The following NCALD variants were observed in gnomAD, a reference collection of about 807,000 sequenced individuals.
NCALD encodes the protein neurocalcin-delta.
Under a neutral mutation model 18.6 loss-of-function variants are expected in NCALD, and 10 were observed. The ratio of observed to expected loss-of-function variants is 0.54; its 90% CI spans 0.33 to 0.91. The LOEUF is 0.91. Among genes scored for constraint, NCALD ranks in the 40% least tolerant of loss-of-function variants. The pLI is 0.03. For missense variants in NCALD, 184 were observed against 247.6 expected, an observed-to-expected ratio of 0.74 and a Z score of 1.72; for synonymous variants, 88 against 87.4, an observed-to-expected ratio of 1.01 and a Z score of -0.04.
At chr8:102,094,054 T>C (rs1825013311) in intron 1 of NCALD, among the ~76,000 whole-genome samples, 1 of 152,172 alleles carries the variant, frequency 6.6e-6, no homozygotes, top group Non-Finnish European at 1.5e-5. Flanking sequence ...GTGATGGACA[T>C]TTCACCACCC....
chr8:101,820,767 G>A (rs757698148), intron 4 of NCALD, among the ~76,000 whole-genome samples: 36 of 152,168 alleles, frequency 2.4e-4, no homozygotes, highest in Non-Finnish European at 4.4e-4. Context: ...CAAATGCCAG[G>A]ATATGCTGTC....
At chr8:101,999,744 A>G (rs144025393) in intron 2 of NCALD, among the ~76,000 whole-genome samples, 3 of 152,308 alleles carry the variant, frequency 2.0e-5, no homozygotes, top group African/African-American at 7.2e-5. Flanking sequence ...ATTATTCTCT[A>G]AAAATAAAAT....
chr8:101,727,384 T>TC (rs1334649728), intron 1 of NCALD, among the ~76,000 whole-genome samples: 1 of 152,240 alleles, frequency 6.6e-6, no homozygotes, highest in African/African-American at 2.4e-5. Context: ...ATCTTACTTT[T>TC]CACTCATCTT....
intron 2 of NCALD, among the ~76,000 whole-genome samples, chr8:101,946,853 T>C (rs1467551590): frequency 6.7e-6 from 1 of 148,678 alleles, no homozygotes; most frequent in Non-Finnish European, 1.5e-5. Context: ...TGTGCCCTAA[T>C]TGAAGAGGAC....
Position 102,054,120 on chromosome 8 carries a change from C to T in NCALD, c.-209-33831G>A, listed in dbSNP as rs576891540. On this transcript the variant is annotated intron_variant, in intron 1 of 6. Transcript: ENST00000311028. The stretch of plus-strand genomic sequence containing the variant: ...AGCAGAGTCAAATCTTTCTTTCAGT[C>T]ATTCACTCACACGTTCAGTCAGAAA... 7.4e-4 allele frequency among the ~76,000 whole-genome samples: 113 copies of T among 152,294 alleles called. 1 individual carries two copies. Among genetic ancestry groups the T allele is most frequent in the South Asian group, 6.8e-3 (33 of 4,820 alleles).
intron 1 of NCALD, among the ~76,000 whole-genome samples, chr8:102,096,512 C>T (rs753999027): frequency 2.0e-5 from 3 of 152,222 alleles, no homozygotes; most frequent in Non-Finnish European, 4.4e-5. Flanking sequence ...ACTCCCTTTG[C>T]AAACCCCCAC....
chr8:101,861,738 G>A (rs142211166), intron 4 of NCALD, among the ~76,000 whole-genome samples: 1,737 of 152,156 alleles, frequency 0.011, 11 homozygotes, highest in Non-Finnish European at 0.014. Flanking sequence ...ACATGTTATT[G>A]CATTTCTCAT....
At chr8:101,941,433 G>A (rs537435628) in intron 2 of NCALD, among the ~76,000 whole-genome samples, 2 of 152,260 alleles carry the variant, frequency 1.3e-5, no homozygotes, top group African/African-American at 4.8e-5. Context: ...CCTCTTCCTG[G>A]GCAACCTGGT....
chr8:102,107,430 C>T lies in NCALD; in HGVS notation c.-210+16807G>A, dbSNP rs962157790. On this transcript the variant is annotated intron_variant, in intron 1 of 6. Transcript: ENST00000311028. ...ATCAAGGAATTAAATCTATATTCCT[C>T]AAGGCCTTTCCCCCACCCTTCTGGT... Among the ~76,000 whole-genome samples, 16 of 152,074 alleles carry T rather than the reference C, an allele frequency of 1.1e-4. No homozygotes were observed. The East Asian group carries it at 3.1e-3, about 29-fold the overall frequency.
chr8:101,992,104 G>A (rs1821070963), intron 2 of NCALD, among the ~76,000 whole-genome samples: 1 of 152,170 alleles, frequency 6.6e-6, no homozygotes, highest in Non-Finnish European at 1.5e-5. Flanking sequence ...AAGTCGCATG[G>A]GAACTGACGC....
chr8:101,966,894 AGAAT>A, intron 2 of NCALD, among the ~76,000 whole-genome samples: 1 of 152,350 alleles, frequency 6.6e-6, no homozygotes, highest in African/African-American at 2.4e-5. Flanking sequence ...TTTATACAAG[AGAAT>A]GCACCCATTA....
chr8:102,045,113 C>T (rs1823193560), intron 1 of NCALD, among the ~76,000 whole-genome samples: 1 of 152,208 alleles, frequency 6.6e-6, no homozygotes, highest in Admixed American at 6.5e-5. Context: ...GCACTGCTGC[C>T]ATGAGACCAG....
intron 2 of NCALD, among the ~76,000 whole-genome samples, chr8:101,922,593 C>G (rs1311717790): frequency 6.6e-6 from 1 of 152,024 alleles, no homozygotes. Context: ...TAAACAAAAC[C>G]ATTCTACAGA....
intron 2 of NCALD, among the ~76,000 whole-genome samples, chr8:102,011,019 T>C (rs1563539326): frequency 6.6e-6 from 1 of 152,206 alleles, no homozygotes; most frequent in Non-Finnish European, 1.5e-5. Flanking sequence ...GTCTGGTTCC[T>C]TTTTAATCAT....
intron 4 of NCALD, among the ~76,000 whole-genome samples, chr8:101,858,907 G>C (rs2096963296): frequency 1.3e-5 from 2 of 151,962 alleles, no homozygotes; most frequent in African/African-American, 4.8e-5. Flanking sequence ...AAATGAACTT[G>C]GAAGAAACAA....
At chr8:101,982,461 T>C (rs1327631344) in intron 2 of NCALD, among the ~76,000 whole-genome samples, 2 of 152,214 alleles carry the variant, frequency 1.3e-5, no homozygotes, top group African/African-American at 2.4e-5. Context: ...GAACCTACCT[T>C]GTATGTTGAA....
intron 1 of NCALD, among the ~76,000 whole-genome samples, chr8:102,029,672 G>A (rs976480397): frequency 3.3e-5 from 5 of 152,114 alleles, no homozygotes; most frequent in African/African-American, 1.2e-4. Flanking sequence ...GAGTTAAAAT[G>A]TTCAGAACTA....
At chr8:102,120,652 G>C (rs1825920501) in intron 1 of NCALD, among the ~76,000 whole-genome samples, 1 of 152,196 alleles carries the variant, frequency 6.6e-6, no homozygotes, top group African/African-American at 2.4e-5. Context: ...GGACTGAGGA[G>C]TTATCAGAGC....
At chr8:101,820,698 C>T (rs1223227155) in intron 4 of NCALD, among the ~76,000 whole-genome samples, 4 of 152,152 alleles carry the variant, frequency 2.6e-5, no homozygotes, top group Non-Finnish European at 4.4e-5. Context: ...ATTCTGGCTC[C>T]GTAATGGTGC....
Sources: gnomAD v4.1 joint callset for allele counts (sites outside exome capture counted in the v4.1 genomes callset) on GRCh38, gnomAD v4.1.1 for gene constraint, MANE v1.5 for transcripts, NCBI Gene and HGNC (gene_info 2026-07-23, HGNC 2026-07-21) for gene names.